Variants in BAIAP3 observed in about 807,000 individuals in gnomAD.
BAIAP3 encodes the protein BAI1-associated protein 3.
In BAIAP3, 180 loss-of-function variants were observed where a neutral mutation model predicts 149.7. The ratio of observed to expected loss-of-function variants is 1.20; its 90% confidence interval spans 1.07 to 1.36. The LOEUF (loss-of-function observed/expected upper bound fraction) is 1.36, where lower values mean the gene tolerates loss of function less well. BAIAP3 is among the 40% of genes most tolerant of loss of function. The pLI is 0.00. For missense variants in BAIAP3, 1,767 were observed against 1,563.4 expected (o/e 1.13, Z -2.20); for synonymous variants, 845 against 670.7 (o/e 1.26, Z -4.02).
rs761244619 is a variant in BAIAP3 at position 1,339,543 on chromosome 16, G to A, written c.348G>A (p.Ala116=). ...EEALYTVLYR[A]GTMGPDQVDD... Reference sequence around the variant, plus strand: ...CCCTGTACACGGTGCTTTACCGCGCGGGTACCATGGGCCCTGACCAGGTGG... The same window carrying A: ...CCCTGTACACGGTGCTTTACCGCGCAGGTACCATGGGCCCTGACCAGGTGG... Residue 116 remains alanine (A), a synonymous_variant, in exon 5 of 34, where the codon GCG becomes GCA. Coordinates refer to ENST00000426824, the MANE Select transcript of BAIAP3 (RefSeq NM_001199097.2). The A allele has an allele frequency of 1.1e-5, 18 of 1,612,436 alleles. No homozygotes were observed. Among genetic ancestry groups the A allele is most frequent in the Middle Eastern group, 1.6e-4 (1 of 6,080 alleles).
At chr16:1,343,352 G>T in intron 14 of BAIAP3, 41 bp from the exon 15 acceptor site, 1 of 1,564,858 alleles carries the variant, frequency 6.4e-7, no homozygotes, top group Middle Eastern at 2.3e-4. Flanking sequence ...GCATGGCAGG[G>T]GCGGGGTTCA....
At chr16:1,340,623 G>C (rs528776719) in intron 5 of BAIAP3, among the ~76,000 whole-genome samples, 38 of 151,956 alleles carry the variant, frequency 2.5e-4, no homozygotes, top group African/African-American at 8.9e-4. Flanking sequence ...TAGGCTGACA[G>C]ACGCACCTCG....
rs766863731 is a variant in BAIAP3, at chr16:1,338,970, A to G, written c.200A>G (p.Gln67Arg). The G allele has an allele frequency of 5.0e-6, 8 of 1,613,000 alleles. No homozygotes were observed. The highest frequency in any genetic ancestry group is 6.8e-6 in the Non-Finnish European group (8 of 1,179,914). ...ATGCTGAAGAAGGGGGAAGGCAGAC[A>G]GGGCTTGCCGTGCCTCGAGGTAAGG... ...RLMLKKGEGRQGLPCLEVPLR... is the reference protein window; with the variant it reads ...RLMLKKGEGRRGLPCLEVPLR... Residue 67 changes from glutamine (Q) to arginine (R), a missense_variant, in exon 3 of 34, where the codon CAG becomes CGG. By Grantham distance (43) the Gln-to-Arg change is conservative (BLOSUM62 1). Transcript: ENST00000426824.
rs1465557400 is a variant in BAIAP3, at chr16:1,345,242, A to G, written c.1941-7A>G. ...AGGGCCGAGCCCTCACAACCCTCCC[A>G]CCACAGGGACAGCCGCTCTCTGGCC... On this transcript the variant is annotated splice_polypyrimidine_tract_variant and splice_region_variant and intron_variant, in intron 21 of 33. Coordinates refer to ENST00000426824, the MANE Select transcript of BAIAP3 (RefSeq NM_001199097.2). 1.9e-6 allele frequency: 3 copies of G among 1,612,398 alleles called. No homozygotes were observed. Among genetic ancestry groups the G allele is most frequent in the Admixed American group, 3.3e-5 (2 of 59,986 alleles).
Position 1,342,975 on chromosome 16 carries a change from C to A in BAIAP3, c.1224C>A (p.His408Gln). The change falls in exon 14 of 34, where the codon CAC becomes CAA. Residue 408 changes from histidine to glutamine, a missense_variant. By Grantham distance (24) the His-to-Gln change is conservative (BLOSUM62 0). Coordinates refer to ENST00000426824, the MANE Select transcript of BAIAP3 (RefSeq NM_001199097.2). ...STPAATILCL[H>Q]GAQSNLSPLQ... Reference sequence around the variant, plus strand: ...CAGCCGCCACCATCCTCTGCCTGCACGGAGCCCAGAGCAACCTGTCACCCT... The same window carrying A: ...CAGCCGCCACCATCCTCTGCCTGCAAGGAGCCCAGAGCAACCTGTCACCCT... 1 of 1,611,576 alleles carries A rather than the reference C, an allele frequency of 6.2e-7. No individual in the cohort carries two copies. Among genetic ancestry groups the A allele is most frequent in the Non-Finnish European group, 8.5e-7 (1 of 1,179,968 alleles).
chr16:1,338,140 T>C (rs117282191), intron 1 of BAIAP3, among the ~76,000 whole-genome samples: 2,471 of 152,180 alleles, frequency 0.016, 24 homozygotes, highest in Non-Finnish European at 0.021. Context: ...ATCTTGGTCC[T>C]CTTGATGCAG....
Position 1,339,527 on chromosome 16 carries a change from C to T in BAIAP3, c.332C>T (p.Thr111Met), listed in dbSNP as rs747040960. ...ATGCTCTACGAGGAGGCCCTGTACA[C>T]GGTGCTTTACCGCGCGGGTACCATG... ...VEMLYEEALY[T>M]VLYRAGTMGP... is the part of the protein sequence containing the mutation. Residue 111 changes from threonine (T) to methionine (M), a missense_variant, in exon 5 of 34, where the codon ACG becomes ATG. Coordinates refer to ENST00000426824, the MANE Select transcript of BAIAP3 (RefSeq NM_001199097.2). 20 of 1,612,222 alleles carry T rather than the reference C, an allele frequency of 1.2e-5. No individual in the cohort carries two copies. Among genetic ancestry groups the T allele is most frequent in the South Asian group, 2.2e-5 (2 of 91,024 alleles).
In BAIAP3 at chr16:1,347,308, G is replaced by GT. The variant is rs1313326417; in HGVS notation, c.2768dup (p.His924ProfsTer66). The GT allele has an allele frequency of 3.1e-6, 5 of 1,613,348 alleles. No individual in the cohort carries two copies. The East Asian group carries it at 6.7e-5, about 22-fold the overall frequency. On this transcript the variant is annotated frameshift_variant, in exon 29 of 34. Transcript: ENST00000426824. LOFTEE classifies it high-confidence loss of function. ...CTTTCCCTGCCCCAGGCCCTGGTCA[G>GT]TTTTTTCCACGCAGAGGGTCAGGGT...
chr16:1,339,841 GAC>G (rs553933603), intron 5 of BAIAP3, among the ~76,000 whole-genome samples: 3 of 117,966 alleles, frequency 2.5e-5, no homozygotes, highest in Admixed American at 9.1e-5. Flanking sequence ...GGTGCACACA[GAC>G]ACACGCACAC....
At chr16:1,346,552 G>C (rs750082878) in intron 26 of BAIAP3, 42 bp downstream of exon 26, 10 of 1,586,310 alleles carry the variant, frequency 6.3e-6, no homozygotes, top group African/African-American at 1.3e-5. Flanking sequence ...TGTGTGTACT[G>C]GGGGTAGGGC....
Position 1,343,502 on chromosome 16 carries a change from C to G in BAIAP3, c.1375C>G (p.Pro459Ala), listed in dbSNP as rs764466148. 1 of 1,605,866 alleles carries G rather than the reference C, an allele frequency of 6.2e-7. No homozygotes were observed. The highest frequency in any genetic ancestry group is 1.1e-5 in the South Asian group (1 of 89,840). Residue 459 changes from proline to alanine, a missense_variant, in exon 15 of 34, where the codon CCC becomes GCC. Physicochemically the swap from Pro to Ala is conservative, Grantham distance 27 (BLOSUM62 -1). Transcript: ENST00000426824. ...QAHWEEAPSL[P>A]QEQEESLADS... ...ACACTGGGAAGAGGCTCCTTCACTGCCCCAGGAGCAGGTGGGTGCAGCCGG... is the reference window on the plus strand; with the variant it reads ...ACACTGGGAAGAGGCTCCTTCACTGGCCCAGGAGCAGGTGGGTGCAGCCGG...
intron 1 of BAIAP3, among the ~76,000 whole-genome samples, chr16:1,335,172 C>T (rs2033377268): frequency 6.6e-6 from 1 of 152,248 alleles, no homozygotes; most frequent in African/African-American, 2.4e-5. Context: ...CCACCCTGGG[C>T]TGTGAAATGA....
rs758827652 is a variant in BAIAP3 at position 1,343,406 on chromosome 16, A to C, written c.1279A>C (p.Ser427Arg). The change falls in exon 15 of 34, where the codon AGC (serine) becomes CGC (arginine). Residue 427 changes from serine (S) to arginine (R), a missense_variant. Ser to Arg is a moderately radical substitution (Grantham distance 110). Coordinates refer to ENST00000426824, the MANE Select transcript of BAIAP3 (RefSeq NM_001199097.2). ...CGGGCCCCACAGGCACTGGCAGGTC[A>C]GCAGCCGCCACCATCAAACCTGCAC... is the stretch of plus-strand genomic sequence containing the variant. ...LQLAVLHWQV[S>R]SRHHQTCTLD... 1 of 1,567,286 alleles carries C rather than the reference A, an allele frequency of 6.4e-7. No individual in the cohort carries two copies. The highest frequency in any genetic ancestry group is 8.6e-7 in the Non-Finnish European group (1 of 1,158,450).
chr16:1,343,658 C>A, intron 15 of BAIAP3, 145 bp downstream of exon 15: 2 of 1,321,162 alleles, frequency 1.5e-6, no homozygotes, highest in Non-Finnish European at 2.1e-6. Context: ...TGGGCGAGAG[C>A]CAGCGCTCTG....
At chr16:1,344,410 T>G (rs1330973077) in intron 17 of BAIAP3, 59 bp from the exon 18 acceptor site, 3 of 1,611,098 alleles carry the variant, frequency 1.9e-6, no homozygotes, top group African/African-American at 2.7e-5. Context: ...CACGGTCTCT[T>G]GCCCACCTCT....
chr16:1,339,859 GCAGGTGCA>G, intron 5 of BAIAP3, among the ~76,000 whole-genome samples: 2 of 140,736 alleles, frequency 1.4e-5, no homozygotes, highest in Non-Finnish European at 3.0e-5. Flanking sequence ...CACACAGGCT[GCAGGTGCA>G]CACAGACACA....
intron 12 of BAIAP3, 22 bp from the exon 13 acceptor site, chr16:1,342,697 C>T (rs765770415): frequency 2.5e-6 from 4 of 1,612,050 alleles, no homozygotes; most frequent in Non-Finnish European, 3.4e-6. Context: ...GAGCTGGTGA[C>T]TGGGTGGGCT....
At chr16:1,334,182 C>T (rs2033307938) in intron 1 of BAIAP3, among the ~76,000 whole-genome samples, 1 of 152,046 alleles carries the variant, frequency 6.6e-6, no homozygotes, top group South Asian at 2.1e-4. Flanking sequence ...GCGTCCTCGT[C>T]CCTTCCCTCC....
chr16:1,348,210 TGG>T lies in BAIAP3; in HGVS notation c.3265_3266del (p.Gly1089ArgfsTer207). The T allele has an allele frequency of 6.2e-7, 1 of 1,608,712 alleles. No homozygotes were observed. The highest frequency in any genetic ancestry group is 8.5e-7 in the Non-Finnish European group (1 of 1,179,376). On this transcript the variant is annotated frameshift_variant, in exon 33 of 34. Coordinates refer to ENST00000426824, the MANE Select transcript of BAIAP3 (RefSeq NM_001199097.2). LOFTEE classifies it high-confidence loss of function. ...CTGGGGAGGCGGCCCTCGGCCTAGG[TGG>T]CGTCACTGGTGTCGCCCGGCCCCAG... is the stretch of plus-strand genomic sequence containing the variant. Reference protein sequence around the residue: ...FAGEAALGLGGVTGVARPQVG... With the variant: ...FAGEAALGLGXVTGVARPQVG...
Sources: gnomAD v4.1 joint callset for allele counts (sites outside exome capture counted in the v4.1 genomes callset) on GRCh38, gnomAD v4.1.1 for gene constraint, MANE v1.5 for transcripts, NCBI Gene and HGNC (gene_info 2026-07-23, HGNC 2026-07-21) for gene names.